CSMD2: variants seen among roughly 807,000 people sequenced by gnomAD.
The protein encoded by CSMD2 is CUB and sushi domain-containing protein 2.
A neutral mutation model predicts 398.5 loss-of-function variants in CSMD2; 130 were observed. That is an observed-to-expected ratio of 0.33 (90% CI 0.28 to 0.38). CSMD2 has a LOEUF of 0.38. Ranked by LOEUF, CSMD2 falls within the 10% of genes least tolerant of loss-of-function variation. CSMD2 has a pLI of 1.00. For synonymous variants in CSMD2, 1,828 were observed against 1,908.5 expected (o/e 0.96, Z 1.10); for missense variants, 3,829 against 4,764.9 (o/e 0.80, Z 5.78).
At chr1:34,027,392 G>T (rs1323703813) in intron 3 of CSMD2, among the ~76,000 whole-genome samples, 1 of 152,176 alleles carries the variant, frequency 6.6e-6, no homozygotes, top group African/African-American at 2.4e-5. Flanking sequence ...GGGAGGAATG[G>T]GCTCAGGCCT....
intron 12 of CSMD2, among the ~76,000 whole-genome samples, chr1:33,773,419 G>T (rs1273672340): frequency 6.6e-6 from 1 of 152,246 alleles, no homozygotes; most frequent in East Asian, 1.9e-4. Flanking sequence ...TGCTTTGAAA[G>T]TTCACTTGAG....
intron 1 of CSMD2, among the ~76,000 whole-genome samples, chr1:34,155,855 G>A (rs184125087): frequency 6.6e-6 from 1 of 152,208 alleles, no homozygotes; most frequent in African/African-American, 2.4e-5. Context: ...GTCCATCATT[G>A]CATAGACACA....
intron 17 of CSMD2, 57 bp downstream of exon 17, chr1:33,725,292 C>G: frequency 6.6e-7 from 1 of 1,509,198 alleles, no homozygotes. Flanking sequence ...GTCCTGAGGC[C>G]TTTGACCCAC....
intron 11 of CSMD2, among the ~76,000 whole-genome samples, chr1:33,789,233 T>C (rs936212072): frequency 2.0e-5 from 3 of 151,450 alleles, no homozygotes; most frequent in Non-Finnish European, 2.9e-5. Flanking sequence ...AGGCTTAGAG[T>C]GTAGTCATTA....
At chr1:33,769,288 A>G (rs1650950758) in intron 13 of CSMD2, among the ~76,000 whole-genome samples, 1 of 152,214 alleles carries the variant, frequency 6.6e-6, no homozygotes, top group African/African-American at 2.4e-5. Context: ...GACAGCCAGG[A>G]TGAGCAATTT....
In CSMD2 at chr1:33,626,852, G is replaced by A. The variant is rs897125931; in HGVS notation, c.5201-271C>T. On this transcript the variant is annotated intron_variant, in intron 32 of 70. Transcript: ENST00000373381. ...TCAGTACCCTCATTTAATAAAGAAG[G>A]AAAGAGAGGTCCAGAAAGATTAAAT... 2.6e-5 allele frequency among the ~76,000 whole-genome samples: 4 copies of A among 152,334 alleles called. No homozygotes were observed. The South Asian group carries it at 8.3e-4, about 32-fold the overall frequency.
At chr1:34,158,673 G>A (rs539044607) in intron 1 of CSMD2, among the ~76,000 whole-genome samples, 1 of 152,198 alleles carries the variant, frequency 6.6e-6, no homozygotes, top group Non-Finnish European at 1.5e-5. Flanking sequence ...CGTAGTTGTA[G>A]TAATAGTAAT....
intron 57 of CSMD2, among the ~76,000 whole-genome samples, chr1:33,544,831 T>TTATATATATATATATATATATATA (rs56072818): frequency 6.8e-4 from 97 of 141,986 alleles, no homozygotes; most frequent in South Asian, 2.8e-3. Flanking sequence ...CACTGTGCAT[T>TTATATATATATATATATATATATA]TATATATATA....
At chr1:33,832,739 T>C (rs970548305) in intron 6 of CSMD2, among the ~76,000 whole-genome samples, 2 of 150,298 alleles carry the variant, frequency 1.3e-5, no homozygotes, top group Non-Finnish European at 3.0e-5. Context: ...ATCAACAAAA[T>C]TGATAGACCG....
chr1:33,706,814 TTGTGCGTGCGTGTGTATG>T (rs890073828), intron 22 of CSMD2, among the ~76,000 whole-genome samples: 2 of 151,116 alleles, frequency 1.3e-5, no homozygotes, highest in African/African-American at 4.9e-5. Context: ...GTGCATGTGT[TTGTGCGTGCGTGTGTATG>T]TGTGTGTGCG....
intron 37 of CSMD2, among the ~76,000 whole-genome samples, 167 bp from the exon 38 acceptor site, chr1:33,617,784 A>G (rs1253984361): frequency 6.6e-6 from 1 of 152,136 alleles, no homozygotes; most frequent in Non-Finnish European, 1.5e-5. Flanking sequence ...CTTGCAGCAC[A>G]CAGAGAAAAA....
intron 10 of CSMD2, among the ~76,000 whole-genome samples, chr1:33,794,525 A>G (rs1654710620): frequency 6.6e-6 from 1 of 152,204 alleles, no homozygotes; most frequent in Non-Finnish European, 1.5e-5. Flanking sequence ...CTAACTACTG[A>G]GTAGTTGTTT....
At chr1:34,030,679 T>C (rs1015246866) in intron 3 of CSMD2, among the ~76,000 whole-genome samples, 2 of 152,192 alleles carry the variant, frequency 1.3e-5, no homozygotes, top group African/African-American at 4.8e-5. Flanking sequence ...TGAGAAGTGC[T>C]TGTGCCCCTA....
intron 5 of CSMD2, among the ~76,000 whole-genome samples, chr1:33,864,951 A>AGGG (rs1558023882): frequency 2.1e-5 from 2 of 96,080 alleles, no homozygotes; most frequent in Admixed American, 1.1e-4. Context: ...AGGGGAAGGG[A>AGGG]AGAGAGGGGA....
chr1:33,937,010 C>A (rs1041735104), intron 3 of CSMD2, among the ~76,000 whole-genome samples: 4 of 152,228 alleles, frequency 2.6e-5, no homozygotes, highest in Non-Finnish European at 5.9e-5. Flanking sequence ...TGAAATCTTA[C>A]CACCTGTGGG....
chr1:34,102,204 TTACTTTTAG>T, intron 1 of CSMD2, among the ~76,000 whole-genome samples: 1 of 152,192 alleles, frequency 6.6e-6, no homozygotes, highest in Non-Finnish European at 1.5e-5. Flanking sequence ...CTAATTTTTT[TTACTTTTAG>T]TAGAGACGGG....
chr1:33,612,630 C>T (rs894712873), intron 40 of CSMD2, among the ~76,000 whole-genome samples: 1 of 151,862 alleles, frequency 6.6e-6, no homozygotes, highest in Non-Finnish European at 1.5e-5. Context: ...CAGTTCACTC[C>T]CCAACTCATG....
intron 1 of CSMD2, among the ~76,000 whole-genome samples, chr1:34,128,332 T>C (rs1662959019): frequency 6.6e-6 from 1 of 152,140 alleles, no homozygotes; most frequent in African/African-American, 2.4e-5. Context: ...AACTCAGTGG[T>C]GACTCTTGGT....
rs552856965 is a variant in CSMD2 at position 33,844,461 on chromosome 1, C to G, written c.1033+2423G>C. On this transcript the variant is annotated intron_variant, in intron 6 of 70. Coordinates refer to ENST00000373381, the MANE Select transcript of CSMD2 (RefSeq NM_001281956.2). ...TGTCAATAGCGCAGAGCCTGAGAAA[C>G]CTTGCTTTAGAAAGTCAACAATGGA... Among the ~76,000 whole-genome samples, 5 of 152,332 alleles carry G rather than the reference C, an allele frequency of 3.3e-5. No individual in the cohort carries two copies. The South Asian group carries it at 1.0e-3, about 32-fold the overall frequency.
Sources: allele counts gnomAD v4.1 joint callset (sites outside exome capture counted in the v4.1 genomes callset), GRCh38; gene constraint gnomAD v4.1.1; transcripts MANE v1.5; gene names NCBI Gene and HGNC (gene_info 2026-07-23, HGNC 2026-07-21).